Variants in ENTREP2 observed in about 807,000 individuals in gnomAD.
ENTREP2 encodes the protein protein ENTREP2.
the ENTREP2 span, among the ~76,000 whole-genome samples, chr15:29,669,021 G>C: frequency 1.3e-5 from 2 of 152,042 alleles, no homozygotes; most frequent in Admixed American, 1.3e-4. Context: ...CCATAACTAC[G>C]ACCAGGGAAG....
chr15:29,311,143 T>C, the ENTREP2 span, among the ~76,000 whole-genome samples: 4 of 152,148 alleles, frequency 2.6e-5, no homozygotes, highest in Non-Finnish European at 4.4e-5. Context: ...AAATTTAGTA[T>C]TCTCTCTTCA....
At chr15:29,611,123 A>C in the ENTREP2 span, 1 of 151,606 alleles carries the variant, frequency 6.6e-6, no homozygotes, top group African/African-American at 2.4e-5. Context: ...TTTCTCAAAC[A>C]CCCTCTTTGT....
chr15:29,496,124 T>C, the ENTREP2 span, among the ~76,000 whole-genome samples: 998 of 152,048 alleles, frequency 6.6e-3, 5 homozygotes, highest in African/African-American at 0.023. Flanking sequence ...TGCATCTCCT[T>C]ATTTAAGCTT....
chr15:29,565,310 TG>T, the ENTREP2 span, among the ~76,000 whole-genome samples: 2 of 151,966 alleles, frequency 1.3e-5, no homozygotes, highest in Non-Finnish European at 2.9e-5. Flanking sequence ...CATTCTTTTG[TG>T]AAAATTAATC....
chr15:29,520,363 T>C, the ENTREP2 span, among the ~76,000 whole-genome samples: 45 of 152,304 alleles, frequency 3.0e-4, no homozygotes, highest in Non-Finnish European at 3.4e-4. Context: ...CAAACAATTA[T>C]TTATTTAGGT....
the ENTREP2 span, among the ~76,000 whole-genome samples, chr15:29,300,603 CT>C: frequency 6.6e-6 from 1 of 151,902 alleles, no homozygotes. Context: ...AGAACATAGT[CT>C]TTTTTTTCTT....
the ENTREP2 span, among the ~76,000 whole-genome samples, chr15:29,521,610 C>G: frequency 2.0e-5 from 3 of 152,078 alleles, no homozygotes; most frequent in Non-Finnish European, 4.4e-5. Context: ...CTCCTCTCCC[C>G]AGAGAGGATT....
the ENTREP2 span, among the ~76,000 whole-genome samples, chr15:29,335,520 G>C: frequency 6.6e-6 from 1 of 152,176 alleles, no homozygotes; most frequent in Non-Finnish European, 1.5e-5. Context: ...CCACAGCAGA[G>C]GTCAGAAATG....
chr15:29,238,877 T>C, the ENTREP2 span, among the ~76,000 whole-genome samples: 1 of 152,036 alleles, frequency 6.6e-6, no homozygotes, highest in South Asian at 2.1e-4. Context: ...AAGCATGGTG[T>C]TAAACCATGA....
At chr15:29,309,841 G>A in the ENTREP2 span, among the ~76,000 whole-genome samples, 1 of 151,778 alleles carries the variant, frequency 6.6e-6, no homozygotes, top group Non-Finnish European at 1.5e-5. Flanking sequence ...GGACGACTGT[G>A]AGATTTTGAA....
chr15:29,177,437 T>C, the ENTREP2 span, among the ~76,000 whole-genome samples: 15 of 152,372 alleles, frequency 9.8e-5, no homozygotes, highest in Non-Finnish European at 2.1e-4. Context: ...TATTTTGCGC[T>C]CTCACAGGTG....
the ENTREP2 span, among the ~76,000 whole-genome samples, chr15:29,274,841 C>T: frequency 2.4e-4 from 36 of 151,916 alleles, no homozygotes; most frequent in Non-Finnish European, 3.2e-4. Context: ...AAATGAAGAC[C>T]GAAAGAGGTG....
the ENTREP2 span, among the ~76,000 whole-genome samples, chr15:29,591,898 A>AAGAAGAAGAAGAAGG: frequency 1.2e-4 from 17 of 145,908 alleles, no homozygotes; most frequent in Non-Finnish European, 2.4e-4. Flanking sequence ...GAAGAAGAAG[A>AAGAAGAAGAAGAAGG]GAGAAAACAC....
chr15:29,475,482 T>C, the ENTREP2 span, among the ~76,000 whole-genome samples: 1 of 152,210 alleles, frequency 6.6e-6, no homozygotes, highest in East Asian at 1.9e-4. Flanking sequence ...CACCTTGGAA[T>C]GCATTCAACT....
chr15:29,444,208 AAG>A, the ENTREP2 span, among the ~76,000 whole-genome samples: 10 of 148,810 alleles, frequency 6.7e-5, no homozygotes, highest in South Asian at 6.4e-4. Flanking sequence ...GAAAGAAAGA[AAG>A]AAAGAAAGAA....
the ENTREP2 span, among the ~76,000 whole-genome samples, chr15:29,429,208 TCCA>T: frequency 6.6e-6 from 1 of 151,756 alleles, no homozygotes. Context: ...CATCCATCCA[TCCA>T]TCCATCCATC....
At chr15:29,623,651 CAGA>C in the ENTREP2 span, among the ~76,000 whole-genome samples, 6 of 152,088 alleles carry the variant, frequency 3.9e-5, no homozygotes, top group Non-Finnish European at 7.4e-5. Flanking sequence ...ACCACAATGT[CAGA>C]AGGTGTCACA....
At chr15:29,398,069 A>T in the ENTREP2 span, among the ~76,000 whole-genome samples, 3 of 150,898 alleles carry the variant, frequency 2.0e-5, no homozygotes, top group African/African-American at 7.3e-5. Context: ...CCCCTCACAA[A>T]GCAGGTTCTC....
At chr15:29,444,170 CAAAGAAAGA>C in the ENTREP2 span, among the ~76,000 whole-genome samples, 4 of 71,486 alleles carry the variant, frequency 5.6e-5, no homozygotes, top group African/African-American at 1.3e-4. Flanking sequence ...GAAAGACAGA[CAAAGAAAGA>C]AAGAAAGAAA....
Sources: allele counts gnomAD v4.1 joint callset (sites outside exome capture counted in the v4.1 genomes callset), GRCh38; gene constraint gnomAD v4.1.1; transcripts MANE v1.5; gene names NCBI Gene and HGNC (gene_info 2026-07-23, HGNC 2026-07-21).